The following SPAG16 variants were observed in gnomAD, a reference collection of about 807,000 sequenced individuals.
The protein encoded by SPAG16 is sperm-associated antigen 16 protein.
In SPAG16, 86 loss-of-function variants were observed where a neutral mutation model predicts 80.4. The observed-to-expected ratio is 1.07, with a 90% confidence interval of 0.90 to 1.28. The LOEUF (loss-of-function observed/expected upper bound fraction) is 1.28, where lower values mean the gene tolerates loss of function less well. Among genes scored for constraint, SPAG16 ranks in the 50% most tolerant of loss-of-function variants. The pLI is 0.00. For synonymous variants in SPAG16, 294 were observed against 265.9 expected, an observed-to-expected ratio of 1.11 and a Z score of -1.03; for missense variants, 870 against 765.3, an observed-to-expected ratio of 1.14 and a Z score of -1.61.
At chr2:213,825,039 T>C (rs755272503) in intron 10 of SPAG16, among the ~76,000 whole-genome samples, 3 of 152,144 alleles carry the variant, frequency 2.0e-5, no homozygotes, top group Admixed American at 6.5e-5. Context: ...TGTTGGCATG[T>C]AGAAATGTAG....
chr2:214,041,694 A>C (rs529008275), intron 13 of SPAG16, among the ~76,000 whole-genome samples: 1 of 151,588 alleles, frequency 6.6e-6, no homozygotes, highest in East Asian at 1.9e-4. Flanking sequence ...TCTCTTCTTG[A>C]AGACTGATGC....
intron 10 of SPAG16, among the ~76,000 whole-genome samples, chr2:213,770,544 C>A (rs1204415259): frequency 6.6e-6 from 1 of 152,108 alleles, no homozygotes; most frequent in Non-Finnish European, 1.5e-5. Context: ...TGGTTTGCTG[C>A]ACCTATCAAT....
At chr2:213,349,439 G>T (rs2065202127) in intron 6 of SPAG16, among the ~76,000 whole-genome samples, 1 of 152,122 alleles carries the variant, frequency 6.6e-6, no homozygotes, top group Non-Finnish European at 1.5e-5. Flanking sequence ...ACTCTTAATA[G>T]ACTGATATCA....
intron 10 of SPAG16, among the ~76,000 whole-genome samples, chr2:213,717,790 A>G (rs2066303452): frequency 6.6e-6 from 1 of 152,160 alleles, no homozygotes; most frequent in Admixed American, 6.5e-5. Flanking sequence ...TAACAAACTG[A>G]TCTTTTTGCA....
At chr2:213,767,232 T>C (rs1374644064) in intron 10 of SPAG16, among the ~76,000 whole-genome samples, 1 of 152,202 alleles carries the variant, frequency 6.6e-6, no homozygotes, top group Non-Finnish European at 1.5e-5. Flanking sequence ...ATATGTTCTA[T>C]TATCCAAGTA....
At chr2:214,343,587 T>C (rs1229129768) in intron 15 of SPAG16, among the ~76,000 whole-genome samples, 1 of 152,198 alleles carries the variant, frequency 6.6e-6, no homozygotes, top group Non-Finnish European at 1.5e-5. Flanking sequence ...AGGTGTTATA[T>C]GTCAGTAATT....
chr2:213,668,332 T>C (rs865846835), intron 10 of SPAG16, among the ~76,000 whole-genome samples: 14 of 151,572 alleles, frequency 9.2e-5, no homozygotes, highest in African/African-American at 1.9e-4. Context: ...TTTTTTGAAA[T>C]ACATAGACTA....
intron 10 of SPAG16, among the ~76,000 whole-genome samples, chr2:213,825,409 G>GT (rs1240331755): frequency 1.3e-5 from 2 of 151,882 alleles, no homozygotes; most frequent in South Asian, 2.1e-4. Context: ...TCTATTCCCA[G>GT]TTTTTTTAAG....
intron 13 of SPAG16, among the ~76,000 whole-genome samples, chr2:214,106,910 C>G (rs1050432917): frequency 2.0e-5 from 3 of 152,094 alleles, no homozygotes; most frequent in Admixed American, 2.0e-4. Context: ...CACTTTTCCT[C>G]CAGAAAAACT....
chr2:213,378,295 A>C (rs1220125221), intron 9 of SPAG16, among the ~76,000 whole-genome samples: 2 of 152,158 alleles, frequency 1.3e-5, no homozygotes, highest in Non-Finnish European at 2.9e-5. Context: ...AATACTTTGC[A>C]TCCTTCAATT....
At chr2:213,776,509 T>G (rs1322119827) in intron 10 of SPAG16, among the ~76,000 whole-genome samples, 1 of 152,204 alleles carries the variant, frequency 6.6e-6, no homozygotes, top group Non-Finnish European at 1.5e-5. Flanking sequence ...CAAATCTGTG[T>G]TGTTTGAAAC....
chr2:214,135,300 A>G (rs1390680238), intron 14 of SPAG16, among the ~76,000 whole-genome samples: 1 of 152,156 alleles, frequency 6.6e-6, no homozygotes, highest in Non-Finnish European at 1.5e-5. Flanking sequence ...TGCTTTATAT[A>G]CATTGTCTTT....
rs1025689691 is a variant in SPAG16 at position 214,133,123 on chromosome 2, T to TA, written c.1594-16015dup. 7.5e-4 allele frequency among the ~76,000 whole-genome samples: 69 copies of TA among 92,164 alleles called. 1 individual carries two copies. The highest frequency in any genetic ancestry group is 2.1e-3 in the African/African-American group (58 of 27,292). 60.5% of individuals were successfully genotyped at this position (92,164 alleles called of 152,430 possible). A position where few individuals can be genotyped will look rare whatever the true frequency, so the allele number is the denominator to read the frequency against. On this transcript the variant is annotated intron_variant, in intron 14 of 15. Coordinates refer to ENST00000331683, the MANE Select transcript of SPAG16 (RefSeq NM_024532.5). ...AAATAAAATAAAAAAAATAAATAAATAATAATAAAAAAAAAACCTACCATT... is the reference window on the plus strand; with the variant it reads ...AAATAAAATAAAAAAAATAAATAAATAAATAATAAAAAAAAAACCTACCATT...
chr2:214,220,550 G>A (rs1912174), intron 15 of SPAG16, among the ~76,000 whole-genome samples: 143,593 of 152,160 alleles, frequency 0.94, 68,146 homozygotes, highest in Non-Finnish European at 1. Flanking sequence ...CACCTCTCAC[G>A]TCCAATCATA....
At chr2:213,289,457 C>G (rs1212032000) in intron 1 of SPAG16, among the ~76,000 whole-genome samples, 1 of 152,172 alleles carries the variant, frequency 6.6e-6, no homozygotes, top group Non-Finnish European at 1.5e-5. Context: ...TAGTGGCTCC[C>G]TGGTATAGGA....
At chr2:213,836,510 G>A (rs2074091812) in intron 10 of SPAG16, among the ~76,000 whole-genome samples, 1 of 151,822 alleles carries the variant, frequency 6.6e-6, no homozygotes, top group African/African-American at 2.4e-5. Context: ...CTTTTATGGT[G>A]GCAAACAGCT....
At chr2:213,310,297 C>A in intron 4 of SPAG16, 120 bp downstream of exon 4, 7 of 491,420 alleles carry the variant, frequency 1.4e-5, no homozygotes, top group East Asian at 4.0e-5. Context: ...GAAACTTTTC[C>A]CATCTCCAGC....
chr2:213,885,609 A>G (rs139443821), intron 11 of SPAG16, among the ~76,000 whole-genome samples: 1 of 152,284 alleles, frequency 6.6e-6, no homozygotes, highest in African/African-American at 2.4e-5. Flanking sequence ...TTAACATTCC[A>G]TCTTAAGGCA....
At chr2:214,372,411 C>G (rs1553566737) in intron 15 of SPAG16, among the ~76,000 whole-genome samples, 1 of 151,940 alleles carries the variant, frequency 6.6e-6, no homozygotes, top group Non-Finnish European at 1.5e-5. Context: ...TTTCCTAAAA[C>G]AAAAAAATCA....
Sources: gnomAD v4.1 joint callset for allele counts (sites outside exome capture counted in the v4.1 genomes callset) on GRCh38, gnomAD v4.1.1 for gene constraint, MANE v1.5 for transcripts, NCBI Gene and HGNC (gene_info 2026-07-23, HGNC 2026-07-21) for gene names.